MAST2: variants seen among roughly 807,000 people sequenced by gnomAD.
MAST2 encodes microtubule-associated serine/threonine-protein kinase 2.
In MAST2, 70 loss-of-function variants were observed where a neutral mutation model predicts 147.4. The observed-to-expected ratio is 0.47, with a 90% CI of 0.39 to 0.58. MAST2 has a LOEUF of 0.58. Ranked by LOEUF, MAST2 falls within the 20% of genes least tolerant of loss-of-function variation. The probability of loss-of-function intolerance (pLI) is 0.00; values close to 1 mark genes in which losing one functional copy is unlikely to be tolerated. For missense variants in MAST2, 2,080 were observed against 2,302.3 expected (o/e 0.90, Z 1.98); for synonymous variants, 869 against 896.8 (o/e 0.97, Z 0.55).
In MAST2 at chr1:45,855,623, A is replaced by C. The variant is rs555775444; in HGVS notation, c.468+26042A>C. Among the ~76,000 whole-genome samples the C allele has an allele frequency of 6.6e-5, 10 of 152,074 alleles. No homozygotes were observed. The South Asian group carries it at 1.9e-3, about 28-fold the overall frequency. On this transcript the variant is annotated intron_variant, in intron 3 of 28. Coordinates refer to ENST00000361297, the MANE Select transcript of MAST2 (RefSeq NM_015112.3). ...ACTTTTTTTTTTGCAACTTTAAATG[A>C]TGTTGTATTTTAAATTTTAGTTTTT...
rs1353318947 is a variant in MAST2 at position 46,029,816 on chromosome 1, C to T, written c.2321-15C>T. The T allele has an allele frequency of 1.2e-6, 2 of 1,613,428 alleles. No homozygotes were observed. The highest frequency in any genetic ancestry group is 2.7e-5 in the African/African-American group (2 of 74,900). The stretch of plus-strand genomic sequence containing the variant: ...GCTCATCCTACCCCCTTGCCCATGT[C>T]CTCCCTGTCCACAGGCAGTGCCTAT... On this transcript the variant is annotated splice_polypyrimidine_tract_variant and intron_variant, in intron 19 of 28. Transcript: ENST00000361297.
At chr1:45,958,533 C>T in intron 4 of MAST2, among the ~76,000 whole-genome samples, 1 of 149,776 alleles carries the variant, frequency 6.7e-6, no homozygotes, top group South Asian at 2.2e-4. Context: ...TCTCTCTCTC[C>T]CTCTATCCCC....
At chr1:45,972,614 G>A (rs535841671) in intron 5 of MAST2, among the ~76,000 whole-genome samples, 1 of 152,074 alleles carries the variant, frequency 6.6e-6, no homozygotes, top group Admixed American at 6.6e-5. Context: ...AATCTATTTG[G>A]GCTAATTTCA....
intron 3 of MAST2, among the ~76,000 whole-genome samples, chr1:45,838,901 C>T (rs1645185832): frequency 6.6e-6 from 1 of 152,066 alleles, no homozygotes; most frequent in African/African-American, 2.4e-5. Context: ...CAAAACATTA[C>T]TGAGACAAAT....
intron 3 of MAST2, among the ~76,000 whole-genome samples, chr1:45,854,489 TC>T (rs2148014597): frequency 6.6e-6 from 1 of 152,330 alleles, no homozygotes; most frequent in East Asian, 1.9e-4. Flanking sequence ...GTAGAGTGAT[TC>T]CTTACACTTA....
intron 6 of MAST2, among the ~76,000 whole-genome samples, chr1:45,998,652 T>C (rs986707492): frequency 4.6e-5 from 7 of 152,224 alleles, no homozygotes; most frequent in African/African-American, 1.7e-4. Context: ...AGGAAAATTA[T>C]GGTTCCAGAT....
intron 1 of MAST2, among the ~76,000 whole-genome samples, chr1:45,818,066 A>G (rs1340749926): frequency 6.6e-5 from 10 of 152,162 alleles, no homozygotes; most frequent in Admixed American, 6.6e-4. Context: ...AGGTTAGGTG[A>G]ATATGGCGGG....
chr1:46,031,356 G>T lies in MAST2; in HGVS notation c.2993-35G>T. 1 of 1,585,892 alleles carries T rather than the reference G, an allele frequency of 6.3e-7. No homozygotes were observed. Among genetic ancestry groups the T allele is most frequent in the Non-Finnish European group, 8.6e-7 (1 of 1,162,384 alleles). On this transcript the variant is annotated intron_variant, in intron 23 of 28. Coordinates refer to ENST00000361297, the MANE Select transcript of MAST2 (RefSeq NM_015112.3). This position sits in a 1 kb window ranked among gnomAD's most constrained non-coding sequence, Gnocchi z 4.1. ...TACTGCAGGGCAGGGAGGCTCAGCGGCATCGCGGGTCTCACTGCTTACTTG... is the reference window on the plus strand; with the variant it reads ...TACTGCAGGGCAGGGAGGCTCAGCGTCATCGCGGGTCTCACTGCTTACTTG...
intron 17 of MAST2, 87 bp downstream of exon 17, chr1:46,027,950 G>A: frequency 1.3e-6 from 2 of 1,525,798 alleles, no homozygotes; most frequent in East Asian, 2.3e-5. Flanking sequence ...CCAACCCTTT[G>A]GGAGGCTGAG....
chr1:45,939,961 A>G (rs1393304210), intron 4 of MAST2, among the ~76,000 whole-genome samples: 2 of 111,498 alleles, frequency 1.8e-5, no homozygotes, highest in Non-Finnish European at 3.7e-5. Flanking sequence ...CAAGAACGGA[A>G]GTTCTCTATT....
chr1:46,002,189 A>G (rs1433727215), intron 6 of MAST2, among the ~76,000 whole-genome samples: 1 of 152,174 alleles, frequency 6.6e-6, no homozygotes, highest in Non-Finnish European at 1.5e-5. Flanking sequence ...AGCCTCCCCC[A>G]AAGTCTCATA....
Position 45,921,886 on chromosome 1 carries a change from TG to T in MAST2, c.501-37497del, listed in dbSNP as rs541229181. Among the ~76,000 whole-genome samples the T allele has an allele frequency of 3.9e-4, 60 of 152,350 alleles. 1 individual carries two copies. The South Asian group carries it at 0.012, about 30-fold the overall frequency. ...CAGCTCTTTTGGCCCTGCCATTCGGTGGGTCCCGAGTTCTTGTCCTGCATCC... is the reference window on the plus strand; with the variant it reads ...CAGCTCTTTTGGCCCTGCCATTCGGTGGTCCCGAGTTCTTGTCCTGCATCC... On this transcript the variant is annotated intron_variant, in intron 4 of 28. Coordinates refer to ENST00000361297, the MANE Select transcript of MAST2 (RefSeq NM_015112.3).
intron 3 of MAST2, among the ~76,000 whole-genome samples, chr1:45,854,166 C>G (rs888470794): frequency 6.6e-6 from 1 of 151,946 alleles, no homozygotes; most frequent in Admixed American, 6.6e-5. Context: ...TGGCAAAACC[C>G]TATCTACTAA....
intron 3 of MAST2, among the ~76,000 whole-genome samples, chr1:45,867,785 T>G (rs1570443774): frequency 6.6e-6 from 1 of 152,192 alleles, no homozygotes. Context: ...TAGGTTAGGG[T>G]ACTCTGAACT....
intron 10 of MAST2, among the ~76,000 whole-genome samples, chr1:46,016,934 G>C (rs1163643585): frequency 1.3e-5 from 2 of 151,750 alleles, no homozygotes; most frequent in African/African-American, 4.8e-5. Context: ...ATACTACAAG[G>C]CTACAGTAAC....
intron 4 of MAST2, chr1:45,913,508 G>A: frequency 3.6e-6 from 3 of 826,604 alleles, no homozygotes; most frequent in South Asian, 5.5e-5. Flanking sequence ...TGTCACTGAC[G>A]CAGGAACAAG....
intron 4 of MAST2, among the ~76,000 whole-genome samples, chr1:45,915,882 A>T (rs372812805): frequency 6.6e-6 from 1 of 152,170 alleles, no homozygotes; most frequent in South Asian, 2.1e-4. Context: ...CTAATGTTCT[A>T]ATTAGTTCTA....
chr1:45,945,325 G>A (rs888231508), intron 4 of MAST2, among the ~76,000 whole-genome samples: 7 of 152,006 alleles, frequency 4.6e-5, no homozygotes, highest in African/African-American at 1.7e-4. Context: ...TTCTGATCAT[G>A]GCATGTGACA....
At position 46,002,876 on chromosome 1, in the gene MAST2, C is replaced by T. The variant is rs772422632; in HGVS notation, c.740C>T (p.Thr247Ile). Residue 247 changes from threonine to isoleucine, a missense_variant, in exon 7 of 29, where the codon ACT becomes ATT. Physicochemically the swap from Thr to Ile is moderately conservative, Grantham distance 89. Around this residue, in one of 4 missense-constraint regions of MAST2, gnomAD observed 569 missense variants for 642.5 expected, o/e 0.89. Coordinates refer to ENST00000361297, the MANE Select transcript of MAST2 (RefSeq NM_015112.3). ...SGYGTNTPSS[T>I]VSSSCSSQEK... ...TATGGAACTAACACTCCTAGCTCCA[C>T]TGTCTCAGTAAGTAGCCAAATCTGT... The T allele has an allele frequency of 6.2e-7, 1 of 1,614,130 alleles. No homozygotes were observed. The highest frequency in any genetic ancestry group is 1.3e-5 in the African/African-American group (1 of 75,050).
Sources: gnomAD v4.1 joint callset for allele counts (sites outside exome capture counted in the v4.1 genomes callset) on GRCh38, gnomAD v4.1.1 for gene constraint, gnomAD v4.1.1 regional missense constraint, Gnocchi (gnomAD v3.1) non-coding constraint, MANE v1.5 for transcripts, NCBI Gene and HGNC (gene_info 2026-07-23, HGNC 2026-07-21) for gene names.